TENM3: variants seen among roughly 807,000 people sequenced by gnomAD.
TENM3 encodes the protein teneurin-3.
A neutral mutation model predicts 255.1 loss-of-function variants in TENM3; 63 were observed. That is an observed-to-expected ratio of 0.25 (90% CI 0.20 to 0.30). The LOEUF (loss-of-function observed/expected upper bound fraction) is 0.30, where lower values mean the gene tolerates loss of function less well. Ranked by LOEUF, TENM3 falls within the 10% of genes least tolerant of loss-of-function variation. The probability of loss-of-function intolerance (pLI) is 1.00; values close to 1 mark genes in which losing one functional copy is unlikely to be tolerated. For missense variants in TENM3, 2,929 were observed against 3,461.1 expected, an observed-to-expected ratio of 0.85 and a Z score of 3.86; for synonymous variants, 1,306 against 1,322.3, an observed-to-expected ratio of 0.99 and a Z score of 0.27.
the TENM3 span, among the ~76,000 whole-genome samples, chr4:181,550,580 T>C: frequency 6.6e-6 from 1 of 152,138 alleles, no homozygotes; most frequent in Non-Finnish European, 1.5e-5. Flanking sequence ...ATATCCTAGA[T>C]ACCTACAGGG....
At chr4:182,574,774 A>G (rs544191104) in intron 3 of TENM3, among the ~76,000 whole-genome samples, 6 of 152,216 alleles carry the variant, frequency 3.9e-5, no homozygotes, top group Admixed American at 6.5e-5. Context: ...AAGCTTCTCA[A>G]TGAGCTATTT....
the TENM3 span, among the ~76,000 whole-genome samples, chr4:181,639,931 T>C: frequency 6.6e-6 from 1 of 152,176 alleles, no homozygotes; most frequent in African/African-American, 2.4e-5. Flanking sequence ...ATAAGGACTG[T>C]GCCAAGTGCC....
chr4:182,142,520 G>C (rs1749519917), upstream of TENM3: 3 of 167,210 alleles, frequency 1.8e-5, no homozygotes, highest in African/African-American at 7.2e-5. Context: ...ATCTGTTTCT[G>C]GTTCTGCACG....
intron 12 of TENM3, 94 bp from the exon 13 acceptor site, chr4:182,713,993 A>G: frequency 1.0e-6 from 1 of 954,008 alleles, no homozygotes; most frequent in Non-Finnish European, 1.6e-6. Context: ...CTGTTTATAA[A>G]GGCCTGTTCC....
intron 19 of TENM3, among the ~76,000 whole-genome samples, chr4:182,750,221 A>T (rs778598861): frequency 3.9e-5 from 6 of 152,116 alleles, no homozygotes; most frequent in Non-Finnish European, 7.4e-5. Context: ...TTCTGAGTTC[A>T]TCTTACTTTT....
intron 4 of TENM3, among the ~76,000 whole-genome samples, chr4:182,620,889 A>G (rs907668523): frequency 1.3e-5 from 2 of 151,996 alleles, no homozygotes; most frequent in African/African-American, 2.4e-5. Flanking sequence ...GCACCATGCT[A>G]GGCTAATTTT....
chr4:182,109,749 T>G, the TENM3 span, among the ~76,000 whole-genome samples: 1 of 152,182 alleles, frequency 6.6e-6, no homozygotes, highest in Non-Finnish European at 1.5e-5. Context: ...CTATGAAATG[T>G]GTTGATGTTT....
chr4:181,813,922 CA>C, the TENM3 span, among the ~76,000 whole-genome samples: 4 of 151,430 alleles, frequency 2.6e-5, no homozygotes, highest in Admixed American at 2.0e-4. Context: ...ACAGAACTTT[CA>C]ATTAATAAGA....
chr4:182,728,922 T>C (rs757052630), intron 13 of TENM3, 43 bp from the exon 14 acceptor site: 10 of 1,525,274 alleles, frequency 6.6e-6, no homozygotes, highest in Non-Finnish European at 9.0e-6. Flanking sequence ...CATTATGGCA[T>C]CAAAAGGAAA....
intron 13 of TENM3, among the ~76,000 whole-genome samples, chr4:182,724,584 A>T (rs1218260754): frequency 6.6e-6 from 1 of 152,202 alleles, no homozygotes; most frequent in Non-Finnish European, 1.5e-5. Context: ...GAAGGTGTCA[A>T]TCTCATGCAG....
At chr4:182,688,706 T>C (rs972481690) in intron 12 of TENM3, among the ~76,000 whole-genome samples, 2 of 152,220 alleles carry the variant, frequency 1.3e-5, no homozygotes, top group Non-Finnish European at 2.9e-5. Context: ...TTTTCCACTT[T>C]AGAAAAAAAT....
the TENM3 span, among the ~76,000 whole-genome samples, chr4:181,576,014 T>C: frequency 2.6e-5 from 4 of 152,218 alleles, no homozygotes; most frequent in Non-Finnish European, 5.9e-5. Flanking sequence ...ATGGATATAT[T>C]GCACAGTGGT....
chr4:181,688,588 A>G, the TENM3 span, among the ~76,000 whole-genome samples: 9 of 152,258 alleles, frequency 5.9e-5, no homozygotes, highest in Admixed American at 3.3e-4. Context: ...ATCAACTTGC[A>G]TTTGAATGTG....
the TENM3 span, chr4:181,876,975 C>T: frequency 2.0e-5 from 3 of 152,130 alleles, no homozygotes; most frequent in Admixed American, 2.0e-4. Flanking sequence ...TATCTTTTCT[C>T]AGAGTTATTG....
chr4:182,745,635 A>G (rs1259677707), intron 19 of TENM3, among the ~76,000 whole-genome samples: 5 of 152,194 alleles, frequency 3.3e-5, no homozygotes, highest in African/African-American at 1.2e-4. Flanking sequence ...ATACATATCT[A>G]AGAAATGGGT....
intron 3 of TENM3, among the ~76,000 whole-genome samples, chr4:182,387,029 C>T (rs1580374653): frequency 6.6e-6 from 1 of 152,188 alleles, no homozygotes; most frequent in Non-Finnish European, 1.5e-5. Flanking sequence ...CTGGTAGGGA[C>T]GTGGAGAGTC....
At chr4:182,779,050 TC>T (rs199878781) in intron 24 of TENM3, among the ~76,000 whole-genome samples, 7 of 131,760 alleles carry the variant, frequency 5.3e-5, no homozygotes, top group African/African-American at 8.4e-5. Flanking sequence ...TTTTTTTTTT[TC>T]CTTTTCTTTT....
chr4:182,740,757 A>G (rs1414849732), intron 18 of TENM3, among the ~76,000 whole-genome samples: 2 of 152,248 alleles, frequency 1.3e-5, no homozygotes, highest in Non-Finnish European at 2.9e-5. Context: ...CTGTATATGT[A>G]TAATATAAAT....
intron 12 of TENM3, among the ~76,000 whole-genome samples, chr4:182,710,082 C>T (rs1758639734): frequency 6.6e-6 from 1 of 152,138 alleles, no homozygotes; most frequent in Non-Finnish European, 1.5e-5. Context: ...AACTGCTAAT[C>T]CAGATCAGAA....
Sources: gnomAD v4.1 joint callset for allele counts (sites outside exome capture counted in the v4.1 genomes callset) on GRCh38, gnomAD v4.1.1 for gene constraint, MANE v1.5 for transcripts, NCBI Gene and HGNC (gene_info 2026-07-23, HGNC 2026-07-21) for gene names.